Variants in TMTC2 observed in about 807,000 individuals in gnomAD.
TMTC2 encodes the protein transmembrane O-mannosyltransferase targeting cadherins 2, also known as protein O-mannosyl-transferase TMTC2.
In TMTC2, 43 loss-of-function variants were observed where a neutral mutation model predicts 82.4. That is an observed-to-expected ratio of 0.52 (90% CI 0.41 to 0.67). TMTC2 has a LOEUF of 0.67. Among genes scored for constraint, TMTC2 ranks in the 30% least tolerant of loss-of-function variants. The pLI is 0.00. For missense variants in TMTC2, 919 were observed against 1,012.4 expected, an observed-to-expected ratio of 0.91 and a Z score of 1.25; for synonymous variants, 408 against 381.9, an observed-to-expected ratio of 1.07 and a Z score of -0.80.
intron 2 of TMTC2, among the ~76,000 whole-genome samples, chr12:82,871,681 C>CTGTGTG (rs10662218): frequency 0.1 from 14,228 of 141,920 alleles, 775 homozygotes; most frequent in African/African-American, 0.14. Flanking sequence ...CTCTGCTCAT[C>CTGTGTG]TGTGTGTGTG....
intron 8 of TMTC2, among the ~76,000 whole-genome samples, chr12:83,006,208 G>A (rs941230569): frequency 6.6e-6 from 1 of 152,108 alleles, no homozygotes; most frequent in Non-Finnish European, 1.5e-5. Flanking sequence ...CCCATGCAGT[G>A]CTCTTAGTTT....
chr12:82,760,596 G>T (rs1876567512), intron 1 of TMTC2, among the ~76,000 whole-genome samples: 1 of 151,434 alleles, frequency 6.6e-6, no homozygotes, highest in Non-Finnish European at 1.5e-5. Flanking sequence ...TAACCCCCAG[G>T]TCATGGACCA....
intron 1 of TMTC2, among the ~76,000 whole-genome samples, chr12:82,828,683 GCATACTGTTAGCACT>G (rs966505276): frequency 2.6e-5 from 4 of 151,976 alleles, no homozygotes; most frequent in African/African-American, 9.7e-5. Context: ...ATTAATTGGG[GCATACTGTTAGCACT>G]CATACTGTTA....
intron 8 of TMTC2, among the ~76,000 whole-genome samples, chr12:83,002,166 T>A (rs2952614): frequency 0.77 from 116,252 of 151,866 alleles, 46,045 homozygotes; most frequent in South Asian, 0.93. Flanking sequence ...TCATTATTGA[T>A]CTCTTCAGAG....
At chr12:82,962,637 A>G (rs1184503392) in intron 4 of TMTC2, among the ~76,000 whole-genome samples, 1 of 151,412 alleles carries the variant, frequency 6.6e-6, no homozygotes, top group Non-Finnish European at 1.5e-5. Context: ...CATATTTTGG[A>G]TGTATTGATT....
intron 1 of TMTC2, among the ~76,000 whole-genome samples, chr12:82,808,364 A>G (rs1202242419): frequency 2.0e-5 from 3 of 152,012 alleles, no homozygotes; most frequent in Admixed American, 2.0e-4. Flanking sequence ...TCTTTAGCGA[A>G]TATAAGAAGG....
chr12:82,985,882 G>T (rs374932919), intron 7 of TMTC2, 43 bp from the exon 8 acceptor site: 1 of 1,597,384 alleles, frequency 6.3e-7, no homozygotes, highest in Non-Finnish European at 8.6e-7. Context: ...ATGTGGAAAA[G>T]CTGTATCCTC....
At chr12:82,929,731 GC>G (rs1875923049) in intron 3 of TMTC2, among the ~76,000 whole-genome samples, 1 of 152,076 alleles carries the variant, frequency 6.6e-6, no homozygotes, top group Admixed American at 6.5e-5. Flanking sequence ...TCACTGGAGA[GC>G]CGTACTATGG....
chr12:82,767,550 C>T (rs574851411), intron 1 of TMTC2, among the ~76,000 whole-genome samples: 83 of 152,232 alleles, frequency 5.5e-4, no homozygotes, highest in Non-Finnish European at 9.7e-4. Context: ...CACACCACTG[C>T]ACTCCAGCTT....
At chr12:82,965,524 T>C in intron 5 of TMTC2, 36 bp from the exon 6 acceptor site, 1 of 1,606,294 alleles carries the variant, frequency 6.2e-7, no homozygotes, top group East Asian at 2.2e-5. Flanking sequence ...GTGTATATCA[T>C]CTTCTCACAC....
intron 1 of TMTC2, among the ~76,000 whole-genome samples, chr12:82,818,975 G>C (rs933244836): frequency 3.9e-5 from 6 of 151,948 alleles, no homozygotes; most frequent in Non-Finnish European, 8.8e-5. Flanking sequence ...GGTGTGAAAA[G>C]ATAACTTACG....
intron 1 of TMTC2, among the ~76,000 whole-genome samples, chr12:82,771,690 G>A (rs768755025): frequency 2.6e-5 from 4 of 152,092 alleles, no homozygotes; most frequent in African/African-American, 9.7e-5. Context: ...AATTCAGTAG[G>A]ACAGAAAGGT....
chr12:82,988,925 A>G (rs1037360665), intron 8 of TMTC2, among the ~76,000 whole-genome samples: 1 of 149,540 alleles, frequency 6.7e-6, no homozygotes, highest in African/African-American at 2.5e-5. Flanking sequence ...TTAAACATCA[A>G]TGGGTAACCA....
chr12:82,942,030 C>T lies in TMTC2; in HGVS notation c.1598+11485C>T, dbSNP rs373872309. On this transcript the variant is annotated intron_variant, in intron 4 of 11. Transcript: ENST00000321196. ...TGCTGGGATTACAGGCATGAGCCAC[C>T]GCACCTGGCTGGGATAATGATTTTG... Among the ~76,000 whole-genome samples the T allele has an allele frequency of 1.4e-4, 21 of 152,268 alleles. No individual in the cohort carries two copies. The East Asian group carries it at 3.1e-3, about 22-fold the overall frequency.
At chr12:83,084,975 G>C (rs1883603118) in intron 11 of TMTC2, among the ~76,000 whole-genome samples, 2 of 152,232 alleles carry the variant, frequency 1.3e-5, no homozygotes, top group Non-Finnish European at 2.9e-5. Context: ...AACTTGTGCT[G>C]TCAGTGCAGC....
chr12:82,821,112 G>A (rs1391086045), intron 1 of TMTC2, among the ~76,000 whole-genome samples: 1 of 152,022 alleles, frequency 6.6e-6, no homozygotes, highest in African/African-American at 2.4e-5. Context: ...TCTTGCCTTG[G>A]TCTCACAAAA....
chr12:83,074,100 G>C (rs562352296), intron 11 of TMTC2, among the ~76,000 whole-genome samples: 62 of 152,212 alleles, frequency 4.1e-4, no homozygotes, highest in African/African-American at 1.4e-3. Context: ...TTCTCATTTT[G>C]GTATGCTCTG....
At chr12:82,986,101 G>T (rs1879144693) in intron 8 of TMTC2, 55 bp downstream of exon 8, 1 of 1,612,230 alleles carries the variant, frequency 6.2e-7, no homozygotes, top group Non-Finnish European at 8.5e-7. Flanking sequence ...TGCAGACCGG[G>T]ATAGATGGGT....
chr12:82,826,037 T>A (rs958442062), intron 1 of TMTC2, among the ~76,000 whole-genome samples: 1 of 152,242 alleles, frequency 6.6e-6, no homozygotes, highest in Non-Finnish European at 1.5e-5. Flanking sequence ...CAGCAGGTGA[T>A]GCTAGACTTG....
Sources: gnomAD v4.1 joint callset for allele counts (sites outside exome capture counted in the v4.1 genomes callset) on GRCh38, gnomAD v4.1.1 for gene constraint, MANE v1.5 for transcripts, NCBI Gene and HGNC (gene_info 2026-07-23, HGNC 2026-07-21) for gene names.